Variants in DOK6 observed in about 807,000 individuals in gnomAD.
DOK6 encodes downstream of tyrosine kinase 6.
DOK6 carries 22 observed loss-of-function variants against 44.0 expected under a neutral mutation model. That is an observed-to-expected ratio of 0.50 (90% CI 0.36 to 0.71). The LOEUF is 0.71. DOK6 is among the 30% of genes least tolerant of loss of function. DOK6 has a pLI of 0.00. For missense variants in DOK6, 340 were observed against 416.4 expected (o/e 0.82, Z 1.60); for synonymous variants, 166 against 145.5 (o/e 1.14, Z -1.01).
At chr18:69,821,310 A>G (rs1398866091) in intron 7 of DOK6, among the ~76,000 whole-genome samples, 2 of 152,160 alleles carry the variant, frequency 1.3e-5, no homozygotes, top group Non-Finnish European at 2.9e-5. Flanking sequence ...TCTAACAGCC[A>G]GTACCAGATT....
At chr18:69,480,675 G>A (rs1009085447) in intron 1 of DOK6, among the ~76,000 whole-genome samples, 1 of 152,122 alleles carries the variant, frequency 6.6e-6, no homozygotes, top group Admixed American at 6.5e-5. Context: ...AGGCGTCTTG[G>A]TGTAGTGAGA....
chr18:69,794,826 C>A (rs1980698399), intron 7 of DOK6, among the ~76,000 whole-genome samples: 1 of 152,078 alleles, frequency 6.6e-6, no homozygotes, highest in Non-Finnish European at 1.5e-5. Flanking sequence ...GAAGCATGAA[C>A]CCTATTGTGA....
chr18:69,635,756 CCAGA>C (rs970935936), intron 3 of DOK6, among the ~76,000 whole-genome samples: 4 of 152,164 alleles, frequency 2.6e-5, no homozygotes, highest in African/African-American at 9.7e-5. Flanking sequence ...ACTTCCCTAC[CCAGA>C]CAGAGGACTC....
At chr18:69,626,270 G>A (rs767372441) in intron 3 of DOK6, among the ~76,000 whole-genome samples, 8 of 152,084 alleles carry the variant, frequency 5.3e-5, no homozygotes, top group African/African-American at 4.8e-5. Context: ...GACACAATTC[G>A]CTGAACAAAA....
At chr18:69,504,539 A>C (rs533783860) in intron 1 of DOK6, among the ~76,000 whole-genome samples, 1 of 152,186 alleles carries the variant, frequency 6.6e-6, no homozygotes, top group Non-Finnish European at 1.5e-5. Context: ...TATATGTACT[A>C]GTAACATTTT....
At chr18:69,527,098 A>G (rs1374377701) in intron 1 of DOK6, among the ~76,000 whole-genome samples, 1 of 152,212 alleles carries the variant, frequency 6.6e-6, no homozygotes, top group East Asian at 1.9e-4. Context: ...ACTCTTGTAT[A>G]AAACAACTTT....
In DOK6 at chr18:69,541,909, C is replaced by G. The variant is rs897181420; in HGVS notation, c.67-22578C>G. On this transcript the variant is annotated intron_variant, in intron 1 of 7. Coordinates refer to ENST00000382713, the MANE Select transcript of DOK6 (RefSeq NM_152721.6). ...ACCTGGAAAGCACAAAGAAAGAGAG[C>G]TATCTGTGACAGACTCTGTCTCATA... 2.6e-5 allele frequency among the ~76,000 whole-genome samples: 4 copies of G among 151,518 alleles called. No individual in the cohort carries two copies. In the South Asian group the frequency reaches 8.4e-4, roughly 32 times the overall value.
At chr18:69,718,461 T>C (rs1272112490) in intron 5 of DOK6, among the ~76,000 whole-genome samples, 3 of 152,120 alleles carry the variant, frequency 2.0e-5, no homozygotes, top group Non-Finnish European at 4.4e-5. Flanking sequence ...AACAGTAAAC[T>C]CTTATGTGAG....
intron 1 of DOK6, among the ~76,000 whole-genome samples, chr18:69,495,349 C>T (rs1347792814): frequency 6.6e-6 from 1 of 152,236 alleles, no homozygotes; most frequent in Non-Finnish European, 1.5e-5. Flanking sequence ...TGCCGTTCCA[C>T]ATTTCTCGAG....
intron 1 of DOK6, among the ~76,000 whole-genome samples, chr18:69,416,960 G>A (rs1978357787): frequency 6.6e-6 from 1 of 151,992 alleles, no homozygotes; most frequent in South Asian, 2.1e-4. Context: ...ATACATAATA[G>A]TTGTCCATAT....
chr18:69,421,944 G>A (rs1335825182), intron 1 of DOK6, among the ~76,000 whole-genome samples: 1 of 152,100 alleles, frequency 6.6e-6, no homozygotes. Context: ...TTAAAACAAA[G>A]CAAAGCAAAA....
intron 3 of DOK6, among the ~76,000 whole-genome samples, chr18:69,617,940 T>C (rs1461308951): frequency 6.6e-6 from 1 of 152,126 alleles, no homozygotes; most frequent in Non-Finnish European, 1.5e-5. Context: ...CAAGATGAGT[T>C]TATACCAGTT....
At chr18:69,812,686 T>C (rs1227740078) in intron 7 of DOK6, among the ~76,000 whole-genome samples, 1 of 152,154 alleles carries the variant, frequency 6.6e-6, no homozygotes, top group Non-Finnish European at 1.5e-5. Context: ...TGAGATTGGG[T>C]AATTTATTTT....
intron 1 of DOK6, among the ~76,000 whole-genome samples, chr18:69,564,165 A>G (rs568060845): frequency 6.6e-6 from 1 of 152,186 alleles, no homozygotes; most frequent in Admixed American, 6.6e-5. Flanking sequence ...CCACTGCACT[A>G]GCATGGAAGA....
chr18:69,824,872 T>G (rs1981695918), intron 7 of DOK6, among the ~76,000 whole-genome samples: 1 of 152,242 alleles, frequency 6.6e-6, no homozygotes, highest in Admixed American at 6.5e-5. Flanking sequence ...ATCCAGGGTA[T>G]GATTCTTTTA....
At chr18:69,433,862 C>T (rs566104259) in intron 1 of DOK6, among the ~76,000 whole-genome samples, 1 of 152,244 alleles carries the variant, frequency 6.6e-6, no homozygotes, top group African/African-American at 2.4e-5. Flanking sequence ...TGAATTTTGT[C>T]ACATACATTC....
intron 3 of DOK6, among the ~76,000 whole-genome samples, chr18:69,647,872 T>C (rs1016446968): frequency 6.6e-6 from 1 of 152,132 alleles, no homozygotes. Flanking sequence ...AGAAATGCCT[T>C]TCTCTGCCCG....
chr18:69,806,359 A>G (rs1981052863), intron 7 of DOK6, among the ~76,000 whole-genome samples: 1 of 152,010 alleles, frequency 6.6e-6, no homozygotes, highest in African/African-American at 2.4e-5. Context: ...GCTGTATGTT[A>G]AATTTTGGCA....
At chr18:69,540,328 T>A (rs918172882) in intron 1 of DOK6, among the ~76,000 whole-genome samples, 1 of 152,230 alleles carries the variant, frequency 6.6e-6, no homozygotes, top group African/African-American at 2.4e-5. Flanking sequence ...ACTGTTTTAA[T>A]TATTGAGGCA....
Sources: allele counts gnomAD v4.1 joint callset (sites outside exome capture counted in the v4.1 genomes callset), GRCh38; gene constraint gnomAD v4.1.1; transcripts MANE v1.5; gene names NCBI Gene and HGNC (gene_info 2026-07-23, HGNC 2026-07-21).